Variants in XPNPEP2 observed in about 807,000 individuals in gnomAD.
XPNPEP2 encodes the protein X-prolyl aminopeptidase 2, also known as xaa-Pro aminopeptidase 2.
Under a neutral mutation model 59.8 loss-of-function variants are expected in XPNPEP2, and 64 were observed. The ratio of observed to expected loss-of-function variants is 1.07; its 90% CI spans 0.87 to 1.32. The LOEUF (loss-of-function observed/expected upper bound fraction) is 1.32. XPNPEP2 is among the 40% of genes most tolerant of loss of function. XPNPEP2 has a pLI of 0.00. For missense variants in XPNPEP2, 575 were observed against 546.8 expected, an observed-to-expected ratio of 1.05 and a Z score of -0.51; for synonymous variants, 235 against 210.0, an observed-to-expected ratio of 1.12 and a Z score of -1.03.
At chrX:129,742,902 A>AAAAAC (rs1430594227) in intron 2 of XPNPEP2, among the ~76,000 whole-genome samples, 1 of 111,610 alleles carries the variant, frequency 9.0e-6, no homozygotes, top group Non-Finnish European at 1.9e-5. Context: ...ACTCTGTCTC[A>AAAAAC]AAAACAAAAC....
intron 14 of XPNPEP2, among the ~76,000 whole-genome samples, chrX:129,756,830 G>GTTGT (rs59815516): frequency 0.017 from 1,860 of 107,348 alleles, 42 homozygotes; most frequent in African/African-American, 0.058. Flanking sequence ...TTTTTTGTGG[G>GTTGT]TTGTTTGTTT....
At chrX:129,754,071 T>C (rs1261122256) in intron 11 of XPNPEP2, among the ~76,000 whole-genome samples, 1 of 111,825 alleles carries the variant, frequency 8.9e-6, no homozygotes, top group Non-Finnish European at 1.9e-5. Flanking sequence ...AAAAAAACTT[T>C]GTCTCATAGG....
chrX:129,758,276 A>G (rs1311472015), intron 14 of XPNPEP2, among the ~76,000 whole-genome samples: 3 of 111,807 alleles, frequency 2.7e-5, no homozygotes, highest in Non-Finnish European at 5.6e-5. Flanking sequence ...GAGATGGCCA[A>G]TGAGCAAAGG....
At position 129,756,686 on chromosome X, in the gene XPNPEP2, C is replaced by A; in HGVS notation, c.1367+131C>A. On this transcript the variant is annotated intron_variant, in intron 14 of 20. Transcript: ENST00000371106. ...TGAAAAAGGAGAGATCTGGAATGAG[C>A]CCCGAACATCCTACCCATTTTCACA... 4 of 627,019 alleles carry A rather than the reference C, an allele frequency of 6.4e-6. No homozygotes were observed. The South Asian group carries it at 1.1e-4, about 17-fold the overall frequency. The allele number at this position is 627,019 out of a possible 1,213,427, so 51.7% of individuals were successfully genotyped here.
At chrX:129,766,126 T>C (rs995213088) in intron 19 of XPNPEP2, among the ~76,000 whole-genome samples, 2 of 111,725 alleles carry the variant, frequency 1.8e-5, no homozygotes, top group East Asian at 2.8e-4. Flanking sequence ...ATATGTGCTA[T>C]ATTTGTCACA....
At position 129,756,504 on chromosome X, in the gene XPNPEP2, G is replaced by T. The variant is rs772366103; in HGVS notation, c.1316G>T (p.Arg439Leu). Residue 439 changes from arginine (R) to leucine (L), a missense_variant, in exon 14 of 21, where the codon CGC becomes CTC. Coordinates refer to ENST00000371106, the MANE Select transcript of XPNPEP2 (RefSeq NM_003399.6). ...CTCAGCCCGACCAAGGAGCTGAACC[G>T]CAAGCTGTCCTCAGATGAGATGTAC... ...AHYSPTKELN[R>L]KLSSDEMYLL... 8 of 1,211,364 alleles carry T rather than the reference G, an allele frequency of 6.6e-6. No homozygotes were observed. The highest frequency in any genetic ancestry group is 8.9e-6 in the Non-Finnish European group (8 of 895,283).
intron 19 of XPNPEP2, among the ~76,000 whole-genome samples, chrX:129,765,783 A>G (rs12559888): frequency 0.33 from 35,354 of 107,770 alleles, 4,884 homozygotes; most frequent in East Asian, 0.7. Context: ...AATTACAGGC[A>G]CACACCACCA....
chrX:129,745,933 C>T (rs56038412), intron 4 of XPNPEP2, among the ~76,000 whole-genome samples: 3,126 of 111,277 alleles, frequency 0.028, 52 homozygotes, highest in Middle Eastern at 0.056. Context: ...CGAGTCTTTA[C>T]GCTGAGCCCC....
chrX:129,763,217 C>T (rs1308329482), intron 19 of XPNPEP2, among the ~76,000 whole-genome samples: 2 of 112,486 alleles, frequency 1.8e-5, no homozygotes, highest in East Asian at 2.7e-4. Flanking sequence ...GGAGAGAAGC[C>T]TCAATATTAT....
chrX:129,762,700 G>C lies in XPNPEP2; in HGVS notation c.1670G>C (p.Gly557Ala), dbSNP rs997651269. 3 of 1,209,937 alleles carry C rather than the reference G, an allele frequency of 2.5e-6. No individual in the cohort carries two copies. The African/African-American group carries it at 5.2e-5, about 21-fold the overall frequency. The part of the protein sequence containing the change: ...AKGMFTSIEP[G>A]YYKDGEFGIR... ...GCATCTCTGTGTCTCCCAGAACCTG[G>C]TTACTATAAGGATGGAGAATTTGGG... Residue 557 changes from glycine (G) to alanine (A), a missense_variant, in exon 19 of 21, where the codon GGT (glycine) becomes GCT (alanine). Transcript: ENST00000371106.
Position 129,762,045 on chromosome X carries a change from A to G in XPNPEP2, c.1643A>G (p.Lys548Arg). Reference sequence around the variant, plus strand: ...CAGTCCAACAACATCGCTATGGCCAAGGGCATGTTCACTTCCATTGGTATG... The same window carrying G: ...CAGTCCAACAACATCGCTATGGCCAGGGGCATGTTCACTTCCATTGGTATG... ...GFQSNNIAMAKGMFTSIEPGY... is the reference protein window; with the variant it reads ...GFQSNNIAMARGMFTSIEPGY... The change falls in exon 18 of 21, where the codon AAG (lysine) becomes AGG (arginine). Residue 548 changes from lysine (K) to arginine (R), a missense_variant. By Grantham distance (26) the Lys-to-Arg change is conservative (BLOSUM62 2). Transcript: ENST00000371106. 1 of 1,211,860 alleles carries G rather than the reference A, an allele frequency of 8.3e-7. No homozygotes were observed. Among genetic ancestry groups the G allele is most frequent in the Non-Finnish European group, 1.1e-6 (1 of 895,389 alleles).
At chrX:129,752,120 G>C in intron 9 of XPNPEP2, 30 bp from the exon 10 acceptor site, 2 of 1,198,979 alleles carry the variant, frequency 1.7e-6, no homozygotes, top group Non-Finnish European at 2.3e-6. Context: ...CAGATGCTCA[G>C]GACCCTCCTT....
At chrX:129,739,492 G>A (rs1046336502) in intron 1 of XPNPEP2, among the ~76,000 whole-genome samples, 11 of 111,937 alleles carry the variant, frequency 9.8e-5, no homozygotes, top group African/African-American at 3.6e-4. Flanking sequence ...TCTGACACTC[G>A]TTAAAACGGT....
At chrX:129,760,643 T>C in intron 16 of XPNPEP2, 62 bp downstream of exon 16, 1 of 1,115,275 alleles carries the variant, frequency 9.0e-7, no homozygotes, top group Non-Finnish European at 1.2e-6. Context: ...ACTCAGACCA[T>C]CACCCTGGGA....
intron 2 of XPNPEP2, among the ~76,000 whole-genome samples, chrX:129,743,337 G>A (rs937273892): frequency 1.8e-5 from 2 of 111,912 alleles, no homozygotes; most frequent in African/African-American, 3.2e-5. Flanking sequence ...ACTGCTGGGG[G>A]CATTCATTCA....
chrX:129,751,567 A>G (rs981357394), intron 8 of XPNPEP2, among the ~76,000 whole-genome samples, 178 bp from the exon 9 acceptor site: 1 of 72,621 alleles, frequency 1.4e-5, no homozygotes, highest in African/African-American at 5.5e-5. Context: ...AGAAAGAAAG[A>G]AAGAAAGAAA....
chrX:129,745,097 A>G, intron 3 of XPNPEP2, 106 bp from the exon 4 acceptor site: 1 of 958,669 alleles, frequency 1.0e-6, no homozygotes, highest in Non-Finnish European at 1.5e-6. Flanking sequence ...GTAGCTGACA[A>G]GGGGTTGGAG....
chrX:129,754,071 T>A (rs1261122256), intron 11 of XPNPEP2, among the ~76,000 whole-genome samples: 1 of 111,825 alleles, frequency 8.9e-6, no homozygotes, highest in African/African-American at 3.3e-5. Context: ...AAAAAAACTT[T>A]GTCTCATAGG....
intron 14 of XPNPEP2, among the ~76,000 whole-genome samples, chrX:129,757,834 A>G (rs1486826775): frequency 3.3e-5 from 3 of 89,807 alleles, no homozygotes; most frequent in Non-Finnish European, 6.4e-5. Context: ...AAAGAAAGAA[A>G]GAAAGAAAGA....
Sources: gnomAD v4.1 joint callset for allele counts (sites outside exome capture counted in the v4.1 genomes callset) on GRCh38, gnomAD v4.1.1 for gene constraint, MANE v1.5 for transcripts, NCBI Gene and HGNC (gene_info 2026-07-23, HGNC 2026-07-21) for gene names.